Variants in PAM observed in about 807,000 individuals in gnomAD.
The protein encoded by PAM is peptidyl-glycine alpha-amidating monooxygenase.
Under a neutral mutation model 122.1 loss-of-function variants are expected in PAM, and 72 were observed. That is an observed-to-expected ratio of 0.59 (90% CI 0.49 to 0.72). The LOEUF (loss-of-function observed/expected upper bound fraction) is 0.72, where lower values mean the gene tolerates loss of function less well. PAM is among the 30% of genes least tolerant of loss of function. The pLI is 0.00. For missense variants in PAM, 1,106 were observed against 1,183.7 expected (o/e 0.93, Z 0.96); for synonymous variants, 389 against 404.4 (o/e 0.96, Z 0.46).
At chr5:102,757,241 C>T (rs1392031390) in intron 1 of PAM, among the ~76,000 whole-genome samples, 5 of 152,064 alleles carry the variant, frequency 3.3e-5, no homozygotes, top group Non-Finnish European at 5.9e-5. Context: ...GCAGGAGAAT[C>T]GCTTGAACCT....
chr5:102,835,902 A>AT (rs1217955183), intron 1 of PAM, among the ~76,000 whole-genome samples: 1 of 152,184 alleles, frequency 6.6e-6, no homozygotes, highest in East Asian at 1.9e-4. Flanking sequence ...AGGATGTGGT[A>AT]TTTTGTATTC....
At chr5:102,787,120 C>T (rs1760746805) in intron 1 of PAM, among the ~76,000 whole-genome samples, 1 of 152,036 alleles carries the variant, frequency 6.6e-6, no homozygotes, top group Non-Finnish European at 1.5e-5. Flanking sequence ...GTGGAAAGGC[C>T]AAGGAGAAAT....
chr5:103,003,164 T>A lies in PAM; in HGVS notation c.1730+15T>A, dbSNP rs1192674209. ...GGAAAAAATCTGTGAGTTAAATGAC[T>A]TATGTTGTTAAGACTTGTACTACAT... On this transcript the variant is annotated intron_variant, in intron 17 of 25. Coordinates refer to ENST00000438793, the MANE Select transcript of PAM (RefSeq NM_001177306.2). 9.2e-7 allele frequency: 1 copy of A among 1,092,084 alleles called. No homozygotes were observed. The highest frequency in any genetic ancestry group is 1.4e-6 in the Non-Finnish European group (1 of 703,192). The allele number at this position is 1,092,084 out of a possible 1,614,324, so 67.6% of individuals were successfully genotyped here.
chr5:103,000,146 A>AGG (rs1562196063), intron 16 of PAM, among the ~76,000 whole-genome samples: 1 of 152,228 alleles, frequency 6.6e-6, no homozygotes. Context: ...TGAGCACTCA[A>AGG]GTTACACCTT....
intron 1 of PAM, among the ~76,000 whole-genome samples, chr5:102,785,456 A>C (rs946111534): frequency 1.3e-5 from 2 of 152,246 alleles, no homozygotes; most frequent in Non-Finnish European, 2.9e-5. Flanking sequence ...AGGGTAAGGC[A>C]ACCTGTTAGA....
At chr5:102,885,457 A>G (rs1042210195) in intron 3 of PAM, among the ~76,000 whole-genome samples, 5 of 152,012 alleles carry the variant, frequency 3.3e-5, no homozygotes, top group African/African-American at 4.8e-5. Flanking sequence ...AGTTTCATCT[A>G]TTTGACTCAG....
chr5:103,030,019 A>T (rs527493192), downstream of PAM: 6 of 152,300 alleles, frequency 3.9e-5, no homozygotes, highest in Middle Eastern at 3.4e-3. Flanking sequence ...CTGTGTCTCA[A>T]ATTACATATG....
Position 103,007,369 on chromosome 5 carries a change from T to A in PAM, c.2015-88T>A. ...CCCTGGCTCCAGGCATTTAATGGTT[T>A]ACTATCATGAATTTAGAAACATACT... On this transcript the variant is annotated intron_variant, in intron 19 of 25. Transcript: ENST00000438793. 5 of 1,046,362 alleles carry A rather than the reference T, an allele frequency of 4.8e-6. No individual in the cohort carries two copies. The South Asian group carries it at 6.9e-5, about 14-fold the overall frequency. The allele number at this position is 1,046,362 out of a possible 1,614,324, so 64.8% of individuals were successfully genotyped here. A position where few individuals can be genotyped will look rare whatever the true frequency, so the allele number is the denominator to read the frequency against.
intron 1 of PAM, among the ~76,000 whole-genome samples, chr5:102,785,095 T>C (rs571085169): frequency 1.3e-5 from 2 of 152,386 alleles, no homozygotes; most frequent in Admixed American, 1.3e-4. Context: ...CTGGGATTCA[T>C]GTGCAGAACA....
intron 4 of PAM, among the ~76,000 whole-genome samples, chr5:102,909,793 G>C (rs1011638572): frequency 4.6e-5 from 7 of 151,806 alleles, no homozygotes; most frequent in African/African-American, 1.7e-4. Context: ...TGTATAACAC[G>C]ATTACATTGG....
intron 15 of PAM, 83 bp downstream of exon 15, chr5:102,974,519 TG>T (rs1766970853): frequency 1.1e-6 from 1 of 869,616 alleles, no homozygotes; most frequent in Admixed American, 2.5e-5. Flanking sequence ...TAAGAATTAA[TG>T]GGTGAAAAAA....
chr5:102,863,961 G>A (rs969353402), intron 1 of PAM, among the ~76,000 whole-genome samples: 3 of 150,500 alleles, frequency 2.0e-5, no homozygotes, highest in Non-Finnish European at 4.4e-5. Flanking sequence ...GGTGGTTTAG[G>A]GACATCAAAG....
chr5:102,931,181 T>C (rs1158176478), intron 7 of PAM, among the ~76,000 whole-genome samples: 1 of 152,232 alleles, frequency 6.6e-6, no homozygotes, highest in East Asian at 1.9e-4. Flanking sequence ...TAGTTACACA[T>C]AATATGAAAA....
intron 1 of PAM, among the ~76,000 whole-genome samples, chr5:102,828,064 C>A (rs1370858037): frequency 6.6e-6 from 1 of 152,120 alleles, no homozygotes; most frequent in African/African-American, 2.4e-5. Context: ...CATGGCCATG[C>A]ACGGTGGCTG....
intron 3 of PAM, among the ~76,000 whole-genome samples, chr5:102,882,056 T>A (rs1221732460): frequency 1.0e-3 from 3 of 2,972 alleles, no homozygotes; most frequent in Non-Finnish European, 2.1e-3. Context: ...TCGTGGAATA[T>A]ATATATATAT....
intron 1 of PAM, among the ~76,000 whole-genome samples, chr5:102,811,743 G>A (rs1332353236): frequency 6.6e-6 from 1 of 152,152 alleles, no homozygotes; most frequent in Non-Finnish European, 1.5e-5. Flanking sequence ...ACTAGTGATT[G>A]CCAATAGAGA....
At chr5:102,775,683 T>A (rs1466048131) in intron 1 of PAM, among the ~76,000 whole-genome samples, 2 of 152,206 alleles carry the variant, frequency 1.3e-5, no homozygotes, top group Non-Finnish European at 2.9e-5. Flanking sequence ...TTCCTTTTTA[T>A]GGCTGCATGA....
intron 1 of PAM, among the ~76,000 whole-genome samples, chr5:102,765,798 C>T (rs1249464351): frequency 1.3e-5 from 2 of 152,108 alleles, no homozygotes; most frequent in Non-Finnish European, 2.9e-5. Flanking sequence ...TTCCTGTCTT[C>T]CTCTTTGTGT....
chr5:102,947,415 A>G (rs1294137971), intron 8 of PAM, among the ~76,000 whole-genome samples: 1 of 152,194 alleles, frequency 6.6e-6, no homozygotes, highest in Non-Finnish European at 1.5e-5. Flanking sequence ...GTTACCGAGT[A>G]ACTCAGGAAT....
Sources: allele counts gnomAD v4.1 joint callset (sites outside exome capture counted in the v4.1 genomes callset), GRCh38; gene constraint gnomAD v4.1.1; transcripts MANE v1.5; gene names NCBI Gene and HGNC (gene_info 2026-07-23, HGNC 2026-07-21).